FGGY: variants seen among roughly 807,000 people sequenced by gnomAD.
The protein encoded by FGGY is FGGY carbohydrate kinase domain-containing protein.
FGGY carries 72 observed loss-of-function variants against 71.3 expected under a neutral mutation model. The observed-to-expected ratio is 1.01, with a 90% CI of 0.84 to 1.23. The LOEUF (loss-of-function observed/expected upper bound fraction) is 1.23, where lower values mean the gene tolerates loss of function less well. Ranked by LOEUF, FGGY falls within the 50% of genes most tolerant of loss-of-function variation. The probability of loss-of-function intolerance (pLI) is 0.00; values close to 1 mark genes in which losing one functional copy is unlikely to be tolerated. For synonymous variants in FGGY, 251 were observed against 250.3 expected, an observed-to-expected ratio of 1.00 and a Z score of -0.02; for missense variants, 668 against 682.3, an observed-to-expected ratio of 0.98 and a Z score of 0.23.
intron 11 of FGGY, among the ~76,000 whole-genome samples, chr1:59,656,073 C>A (rs551824773): frequency 1.1e-3 from 166 of 152,254 alleles, no homozygotes; most frequent in African/African-American, 3.9e-3. Flanking sequence ...AGTTTTCATG[C>A]ACCCTAATAT....
In FGGY at chr1:59,457,836, G is replaced by A. The variant is rs114312691; in HGVS notation, c.670+760G>A. On this transcript the variant is annotated intron_variant, in intron 6 of 15. Transcript: ENST00000303721. ...TAGAAAAAAGCAGAAACTAGAACGA[G>A]TCAGTGGCTCCTAACTAAGGCCTTA... Among the ~76,000 whole-genome samples, 363 of 152,306 alleles carry A rather than the reference G, an allele frequency of 2.4e-3. 3 individuals carry two copies. Among genetic ancestry groups the A allele is most frequent in the Non-Finnish European group, 3.6e-3 (245 of 68,026 alleles).
intron 5 of FGGY, among the ~76,000 whole-genome samples, chr1:59,416,897 T>C (rs932466863): frequency 2.0e-5 from 3 of 152,218 alleles, no homozygotes; most frequent in Non-Finnish European, 2.9e-5. Flanking sequence ...ATTATCATGG[T>C]TGGCTTAAAC....
chr1:59,624,602 T>C (rs2096839733), intron 9 of FGGY, among the ~76,000 whole-genome samples: 1 of 152,100 alleles, frequency 6.6e-6, no homozygotes, highest in Admixed American at 6.5e-5. Context: ...AATGGACCCA[T>C]AGTTCCACAT....
intron 6 of FGGY, chr1:59,474,296 C>T: frequency 6.6e-6 from 1 of 152,192 alleles, no homozygotes; most frequent in East Asian, 1.9e-4. Context: ...TGAGGTCACC[C>T]CCAACTTCTC....
chr1:59,614,308 GTGGGCTTCAT>G (rs2096725435), intron 9 of FGGY, among the ~76,000 whole-genome samples: 1 of 152,158 alleles, frequency 6.6e-6, no homozygotes, highest in African/African-American at 2.4e-5. Context: ...CCATGATCAA[GTGGGCTTCAT>G]CCCTGGGATG....
At chr1:59,419,257 A>G (rs1385616259) in intron 5 of FGGY, among the ~76,000 whole-genome samples, 1 of 152,148 alleles carries the variant, frequency 6.6e-6, no homozygotes, top group Non-Finnish European at 1.5e-5. Context: ...CTCTGGCAGC[A>G]TTGTGAAAAG....
chr1:59,721,314 A>T, intron 14 of FGGY, among the ~76,000 whole-genome samples: 1 of 119,396 alleles, frequency 8.4e-6, no homozygotes, highest in East Asian at 2.9e-4. Context: ...GATGATACAG[A>T]GAGTTTTTCT....
chr1:59,680,661 C>T (rs1029409294), intron 14 of FGGY: 2 of 152,158 alleles, frequency 1.3e-5, no homozygotes, highest in African/African-American at 4.8e-5. Flanking sequence ...CATCATTTGA[C>T]TCTCTTGTTC....
chr1:59,559,283 G>T (rs373566977), intron 8 of FGGY, among the ~76,000 whole-genome samples: 2 of 152,108 alleles, frequency 1.3e-5, no homozygotes, highest in East Asian at 1.9e-4. Flanking sequence ...AAAGATTGGC[G>T]TAAGAAATTA....
intron 8 of FGGY, among the ~76,000 whole-genome samples, chr1:59,585,240 A>G (rs143812441): frequency 0.12 from 18,622 of 152,186 alleles, 1,318 homozygotes; most frequent in South Asian, 0.3. Flanking sequence ...GAACAAAGCT[A>G]GAGGCATCAC....
At chr1:59,491,553 T>G (rs2093864266) in intron 6 of FGGY, among the ~76,000 whole-genome samples, 1 of 152,150 alleles carries the variant, frequency 6.6e-6, no homozygotes, top group African/African-American at 2.4e-5. Context: ...TTCATGTCAA[T>G]TTTGTATCCT....
At chr1:59,395,526 A>G (rs1378698344) in intron 5 of FGGY, among the ~76,000 whole-genome samples, 3 of 152,178 alleles carry the variant, frequency 2.0e-5, no homozygotes, top group Non-Finnish European at 4.4e-5. Flanking sequence ...TACAGGGACC[A>G]TATATGTTCT....
intron 2 of FGGY, among the ~76,000 whole-genome samples, chr1:59,334,343 C>G (rs184690231): frequency 1.3e-5 from 2 of 152,232 alleles, no homozygotes; most frequent in Admixed American, 1.3e-4. Context: ...GGGGTTTCAT[C>G]GTGTTGGCCA....
At chr1:59,572,771 G>A (rs909038587) in intron 8 of FGGY, among the ~76,000 whole-genome samples, 3 of 152,138 alleles carry the variant, frequency 2.0e-5, no homozygotes, top group Admixed American at 2.0e-4. Flanking sequence ...GGCTTATTAG[G>A]TATCTCACCC....
chr1:59,401,908 CAG>C (rs1254975211), intron 5 of FGGY, among the ~76,000 whole-genome samples: 2 of 152,152 alleles, frequency 1.3e-5, no homozygotes, highest in Non-Finnish European at 2.9e-5. Context: ...AGTGGGGCCT[CAG>C]AGAGGTGCAC....
intron 14 of FGGY, 129 bp from the exon 15 acceptor site, chr1:59,757,801 TG>T: frequency 1.7e-6 from 1 of 602,872 alleles, no homozygotes; most frequent in Non-Finnish European, 2.9e-6. Flanking sequence ...AAAAGTAAGT[TG>T]AAAAAAAAGA....
Position 59,532,535 on chromosome 1 carries a change from C to G in FGGY, c.799+20096C>G, listed in dbSNP as rs546579496. ...TTAACTTTTGAATAATCAATTAATG[C>G]AATTCCATATTAAAAGGATGCAAGA... On this transcript the variant is annotated intron_variant, in intron 7 of 15. Transcript: ENST00000303721. 7.8e-4 allele frequency among the ~76,000 whole-genome samples: 118 copies of G among 152,214 alleles called. 1 individual carries two copies. The highest frequency in any genetic ancestry group is 7.6e-3 in the Admixed American group (117 of 15,302).
intron 14 of FGGY, among the ~76,000 whole-genome samples, chr1:59,708,808 T>A (rs1178120048): frequency 6.6e-6 from 1 of 152,190 alleles, no homozygotes. Context: ...AATCTGAAAC[T>A]TTTTGAGCAC....
chr1:59,535,767 A>G (rs1012256689), intron 7 of FGGY, among the ~76,000 whole-genome samples: 4 of 148,884 alleles, frequency 2.7e-5, no homozygotes, highest in Non-Finnish European at 5.9e-5. Context: ...AGAAATAAAG[A>G]TCTTCTTTGA....
Sources: gnomAD v4.1 joint callset for allele counts (sites outside exome capture counted in the v4.1 genomes callset) on GRCh38, gnomAD v4.1.1 for gene constraint, MANE v1.5 for transcripts, NCBI Gene and HGNC (gene_info 2026-07-23, HGNC 2026-07-21) for gene names.